NEK1: variants seen among roughly 807,000 people sequenced by gnomAD.
NEK1 encodes the protein NIMA related kinase 1.
A neutral mutation model predicts 182.1 loss-of-function variants in NEK1; 137 were observed. That is an observed-to-expected ratio of 0.75 (90% CI 0.65 to 0.87). NEK1 has a LOEUF of 0.87. Ranked by LOEUF, NEK1 falls within the 40% of genes least tolerant of loss-of-function variation. NEK1 has a pLI of 0.00. For synonymous variants in NEK1, 513 were observed against 492.2 expected (o/e 1.04, Z -0.56); for missense variants, 1,391 against 1,494.4 (o/e 0.93, Z 1.14).
At chr4:169,603,622 T>C (rs1465367709) in intron 2 of NEK1, among the ~76,000 whole-genome samples, 2 of 152,184 alleles carry the variant, frequency 1.3e-5, no homozygotes, top group East Asian at 3.8e-4. Context: ...TCCATACGTC[T>C]AATGGGGAAA....
At chr4:169,475,773 A>G (rs1053622076) in intron 26 of NEK1, among the ~76,000 whole-genome samples, 3 of 152,158 alleles carry the variant, frequency 2.0e-5, no homozygotes, top group African/African-American at 7.2e-5. Flanking sequence ...ACAACTCCTT[A>G]AACTTCTGGA....
At chr4:169,415,454 G>A (rs1734381681) in intron 31 of NEK1, among the ~76,000 whole-genome samples, 1 of 152,142 alleles carries the variant, frequency 6.6e-6, no homozygotes, top group East Asian at 1.9e-4. Flanking sequence ...CTCCTCTGGG[G>A]AATATGGCAT....
intron 27 of NEK1, among the ~76,000 whole-genome samples, chr4:169,450,289 G>C (rs534721338): frequency 9.2e-5 from 14 of 152,122 alleles, no homozygotes; most frequent in African/African-American, 3.1e-4. Flanking sequence ...CCCCAACCTG[G>C]CAAGGCAGGC....
intron 34 of NEK1, 72 bp from the exon 35 acceptor site, chr4:169,400,429 A>G (rs1385221269): frequency 6.9e-7 from 1 of 1,444,784 alleles, no homozygotes; most frequent in Non-Finnish European, 9.2e-7. Flanking sequence ...CTTTTTATTT[A>G]TAATAAATCT....
chr4:169,509,572 C>A (rs976775803), intron 19 of NEK1, among the ~76,000 whole-genome samples: 4 of 152,172 alleles, frequency 2.6e-5, no homozygotes, highest in African/African-American at 9.6e-5. Flanking sequence ...TCACTACAAT[C>A]TAGTTTCTGA....
intron 5 of NEK1, among the ~76,000 whole-genome samples, chr4:169,591,609 A>T (rs1768524657): frequency 6.6e-6 from 1 of 152,170 alleles, no homozygotes; most frequent in Non-Finnish European, 1.5e-5. Flanking sequence ...GCCACTTGGA[A>T]ATAAAAAGGC....
In NEK1 at chr4:169,424,816, G is replaced by C. The variant is rs201930784; in HGVS notation, c.2975-16C>G. ...GTTCCAGGCTCTGTGGTAGAAAGGA[G>C]AGATTATGTGGTAAGTCTATACAGT... is the stretch of plus-strand genomic sequence containing the variant. On this transcript the variant is annotated splice_polypyrimidine_tract_variant and intron_variant, in intron 30 of 35. Transcript: ENST00000507142. The C allele has an allele frequency of 1.3e-6, 2 of 1,595,564 alleles. No individual in the cohort carries two copies. Among genetic ancestry groups the C allele is most frequent in the East Asian group, 2.3e-5 (1 of 44,416 alleles).
chr4:169,559,848 A>G (rs966621066), intron 16 of NEK1, among the ~76,000 whole-genome samples: 9 of 152,120 alleles, frequency 5.9e-5, no homozygotes, highest in Admixed American at 2.0e-4. Flanking sequence ...CGTCTCTACT[A>G]AAAATACAAA....
chr4:169,405,803 T>C (rs1484963642), intron 32 of NEK1, among the ~76,000 whole-genome samples: 1 of 152,030 alleles, frequency 6.6e-6, no homozygotes, highest in Non-Finnish European at 1.5e-5. Flanking sequence ...CAAACCTGGC[T>C]ATTAAAAAAA....
intron 5 of NEK1, among the ~76,000 whole-genome samples, chr4:169,597,427 A>G (rs1019257948): frequency 1.3e-5 from 2 of 152,096 alleles, no homozygotes; most frequent in African/African-American, 4.8e-5. Flanking sequence ...CAGCCTGGGC[A>G]ATATAGCAAG....
intron 12 of NEK1, among the ~76,000 whole-genome samples, chr4:169,571,151 C>G (rs910962392): frequency 6.7e-6 from 1 of 148,702 alleles, no homozygotes. Context: ...TCCCCCTCTG[C>G]GAGAAACACC....
At chr4:169,421,151 G>A (rs1372012476) in intron 31 of NEK1, among the ~76,000 whole-genome samples, 3 of 152,114 alleles carry the variant, frequency 2.0e-5, no homozygotes, top group African/African-American at 7.2e-5. Flanking sequence ...GATTCATTAA[G>A]AAGACATATT....
intron 11 of NEK1, among the ~76,000 whole-genome samples, chr4:169,580,005 C>T (rs895793526): frequency 1.3e-5 from 2 of 152,076 alleles, no homozygotes; most frequent in Non-Finnish European, 2.9e-5. Context: ...TGAAATCATT[C>T]TATTCAGGAA....
At chr4:169,529,423 T>G (rs1393095849) in intron 19 of NEK1, among the ~76,000 whole-genome samples, 1 of 152,150 alleles carries the variant, frequency 6.6e-6, no homozygotes, top group Non-Finnish European at 1.5e-5. Flanking sequence ...TTTATTACAA[T>G]AAACGTCTTC....
At chr4:169,493,687 A>C (rs1434917245) in intron 23 of NEK1, among the ~76,000 whole-genome samples, 1 of 152,220 alleles carries the variant, frequency 6.6e-6, no homozygotes, top group Non-Finnish European at 1.5e-5. Flanking sequence ...CAGAAGAAGA[A>C]TTTCAGAGCT....
intron 31 of NEK1, among the ~76,000 whole-genome samples, chr4:169,408,932 T>C (rs1038794031): frequency 1.3e-5 from 2 of 152,128 alleles, no homozygotes; most frequent in Non-Finnish European, 1.5e-5. Flanking sequence ...GCTATAAACA[T>C]GGGTGTGTGT....
intron 31 of NEK1, among the ~76,000 whole-genome samples, chr4:169,420,132 CACAA>C (rs573985789): frequency 3.3e-5 from 5 of 152,290 alleles, no homozygotes; most frequent in African/African-American, 1.2e-4. Context: ...AACTTGAAGA[CACAA>C]ACACACACGT....
rs202068312 is a variant in NEK1 at position 169,555,845 on chromosome 4, A to T, written c.1437T>A (p.Ile479=). 4.3e-6 allele frequency: 7 copies of T among 1,613,956 alleles called. No individual in the cohort carries two copies. The Admixed American group carries it at 1.2e-4, about 27-fold the overall frequency. The change falls in exon 18 of 36, where the codon ATT becomes ATA. Residue 479 remains isoleucine, a synonymous_variant. Transcript: ENST00000507142. ...GAAATCCTGGACGAACTCCAGGCAG[A>T]ATTCCTCTGTAGATAAATATGCACA... is the stretch of plus-strand genomic sequence containing the variant. ...IYGRGLPERG[I]LPGVRPGFPY... is the part of the protein sequence containing the mutation.
rs180694598 is a variant in NEK1, at chr4:169,425,820, C to T, written c.2974+326G>A. Among the ~76,000 whole-genome samples, 127 of 152,234 alleles carry T rather than the reference C, an allele frequency of 8.3e-4. 1 individual carries two copies. Among genetic ancestry groups the T allele is most frequent in the African/African-American group, 2.7e-3 (112 of 41,556 alleles). On this transcript the variant is annotated intron_variant, in intron 30 of 35. Coordinates refer to ENST00000507142, the MANE Select transcript of NEK1 (RefSeq NM_001199397.3). The stretch of plus-strand genomic sequence containing the variant: ...GGTGTAAGCCATTACACCCAGCCTA[C>T]CTTTCTTACATTTTAACTAATACTA...
Sources: gnomAD v4.1 joint callset for allele counts (sites outside exome capture counted in the v4.1 genomes callset) on GRCh38, gnomAD v4.1.1 for gene constraint, MANE v1.5 for transcripts, NCBI Gene and HGNC (gene_info 2026-07-23, HGNC 2026-07-21) for gene names.